IFT81: variants seen among roughly 807,000 people sequenced by gnomAD.
The protein encoded by IFT81 is intraflagellar transport protein 81 homolog.
IFT81 carries 72 observed loss-of-function variants against 102.6 expected under a neutral mutation model. The observed-to-expected ratio is 0.70, with a 90% confidence interval of 0.58 to 0.85. The LOEUF (loss-of-function observed/expected upper bound fraction) is 0.85. IFT81 is among the 40% of genes least tolerant of loss of function. The pLI is 0.00. For synonymous variants in IFT81, 237 were observed against 242.7 expected (o/e 0.98, Z 0.22); for missense variants, 723 against 787.3 (o/e 0.92, Z 0.98).
Position 110,127,498 on chromosome 12 carries a change from G to A in IFT81, c.118G>A (p.Asp40Asn). Reference sequence around the variant, plus strand: ...AATGCAACTATTACAAGTTCTCAGTGATGTTCTGGCTGAGATTGACCCAAA... The same window carrying A: ...AATGCAACTATTACAAGTTCTCAGTAATGTTCTGGCTGAGATTGACCCAAA... Reference protein sequence around the residue: ...EPMQLLQVLSDVLAEIDPKQL... With the variant: ...EPMQLLQVLSNVLAEIDPKQL... The change falls in exon 2 of 19, where the codon GAT becomes AAT. Residue 40 changes from aspartate to asparagine, a missense_variant. Coordinates refer to ENST00000242591, the MANE Select transcript of IFT81 (RefSeq NM_014055.4). The A allele has an allele frequency of 1.2e-6, 2 of 1,605,550 alleles. No homozygotes were observed. The highest frequency in any genetic ancestry group is 1.7e-6 in the Non-Finnish European group (2 of 1,177,450).
intron 11 of IFT81, chr12:110,168,468 A>G (rs981275663): frequency 1.0e-6 from 1 of 966,286 alleles, no homozygotes; most frequent in Non-Finnish European, 1.2e-6. Context: ...AATTCAACAC[A>G]TCATCTGTTA....
chr12:110,144,893 A>G (rs1450295705), intron 9 of IFT81, among the ~76,000 whole-genome samples: 5 of 116,216 alleles, frequency 4.3e-5, no homozygotes, highest in African/African-American at 1.4e-4. Flanking sequence ...TTTTGACGGA[A>G]CTTGCTCTGT....
At chr12:110,176,407 C>T (rs1371320935) in intron 11 of IFT81, among the ~76,000 whole-genome samples, 2 of 152,168 alleles carry the variant, frequency 1.3e-5, no homozygotes, top group African/African-American at 2.4e-5. Context: ...AAAAGGAGGG[C>T]AATTTTTACT....
chr12:110,128,583 A>G (rs1166784170), intron 3 of IFT81, among the ~76,000 whole-genome samples: 1 of 151,676 alleles, frequency 6.6e-6, no homozygotes, highest in African/African-American at 2.4e-5. Context: ...TGAGCTCAGG[A>G]GTTTGAGACC....
chr12:110,161,851 T>C (rs1896153400), intron 10 of IFT81, among the ~76,000 whole-genome samples: 1 of 152,212 alleles, frequency 6.6e-6, no homozygotes, highest in South Asian at 2.1e-4. Flanking sequence ...ATAGAATTTT[T>C]TTAAGGATTT....
intron 10 of IFT81, among the ~76,000 whole-genome samples, chr12:110,158,877 C>T (rs1024291801): frequency 1.7e-4 from 24 of 144,642 alleles, no homozygotes; most frequent in African/African-American, 5.4e-4. Context: ...CGTGAGCCAC[C>T]GCGCCCGGCC....
intron 11 of IFT81, among the ~76,000 whole-genome samples, chr12:110,173,883 A>G (rs1311800336): frequency 6.6e-6 from 1 of 151,776 alleles, no homozygotes; most frequent in African/African-American, 2.4e-5. Context: ...TCACTTGTTT[A>G]TCTGCTGACC....
At chr12:110,131,673 C>G (rs1475164258) in intron 4 of IFT81, among the ~76,000 whole-genome samples, 1 of 152,080 alleles carries the variant, frequency 6.6e-6, no homozygotes, top group Non-Finnish European at 1.5e-5. Context: ...TATTAAACAC[C>G]TCCATGGGTT....
At chr12:110,178,763 A>T (rs1232905330) in intron 11 of IFT81, among the ~76,000 whole-genome samples, 1 of 136,172 alleles carries the variant, frequency 7.3e-6, no homozygotes, top group Non-Finnish European at 1.6e-5. Flanking sequence ...CTACAGGCAC[A>T]TGCCACTACG....
chr12:110,192,046 C>CT (rs1897822768), intron 13 of IFT81, among the ~76,000 whole-genome samples: 1 of 151,972 alleles, frequency 6.6e-6, no homozygotes, highest in Non-Finnish European at 1.5e-5. Flanking sequence ...TGTCGCACTC[C>CT]TGTAGTTCCA....
intron 11 of IFT81, among the ~76,000 whole-genome samples, chr12:110,173,932 C>A (rs1239307686): frequency 6.6e-6 from 1 of 151,342 alleles, no homozygotes; most frequent in Non-Finnish European, 1.5e-5. Context: ...CCAAATCCCC[C>A]TCTGTGAGAA....
intron 7 of IFT81, 79 bp downstream of exon 7, chr12:110,135,516 T>A (rs900882677): frequency 1.9e-5 from 16 of 840,246 alleles, no homozygotes; most frequent in African/African-American, 5.2e-5. Flanking sequence ...AAAAGAGTTT[T>A]AAAATTGTAG....
chr12:110,134,563 G>T (rs1376049614), intron 5 of IFT81, among the ~76,000 whole-genome samples: 1 of 152,118 alleles, frequency 6.6e-6, no homozygotes, highest in Non-Finnish European at 1.5e-5. Context: ...ATATGGCTTG[G>T]TATTTAACAG....
intron 9 of IFT81, among the ~76,000 whole-genome samples, chr12:110,146,130 A>G (rs1226753498): frequency 1.3e-5 from 2 of 152,144 alleles, no homozygotes; most frequent in Non-Finnish European, 2.9e-5. Context: ...CTAAAATTTA[A>G]TGTCACAGAA....
chr12:110,161,035 G>A (rs1224133344), intron 10 of IFT81, among the ~76,000 whole-genome samples: 2 of 151,846 alleles, frequency 1.3e-5, no homozygotes, highest in Admixed American at 6.6e-5. Context: ...CTGGTTTGGG[G>A]ATGAAGTTTA....
At chr12:110,172,945 G>GGGT (rs1896823825) in intron 11 of IFT81, among the ~76,000 whole-genome samples, 3 of 144,956 alleles carry the variant, frequency 2.1e-5, no homozygotes, top group African/African-American at 2.5e-5. Flanking sequence ...AGGGAGGTGG[G>GGGT]GGTCAGCCCC....
intron 13 of IFT81, among the ~76,000 whole-genome samples, chr12:110,191,558 T>G (rs1157503996): frequency 6.6e-6 from 1 of 152,322 alleles, no homozygotes; most frequent in East Asian, 1.9e-4. Flanking sequence ...TCTGTTTTTT[T>G]AATGTGCAAA....
chr12:110,178,032 C>T (rs190456339), intron 11 of IFT81, among the ~76,000 whole-genome samples: 1 of 151,586 alleles, frequency 6.6e-6, no homozygotes, highest in Admixed American at 6.6e-5. Flanking sequence ...GAGGCAGAGG[C>T]TGCAGTGAGC....
intron 11 of IFT81, chr12:110,169,235 T>C (rs2137467043): frequency 6.6e-6 from 1 of 152,236 alleles, no homozygotes; most frequent in Non-Finnish European, 1.5e-5. Context: ...AACTCATCAC[T>C]GGAGGAATTA....
Sources: allele counts gnomAD v4.1 joint callset (sites outside exome capture counted in the v4.1 genomes callset), GRCh38; gene constraint gnomAD v4.1.1; transcripts MANE v1.5; gene names NCBI Gene and HGNC (gene_info 2026-07-23, HGNC 2026-07-21).